IKBKB-DT: variants seen among roughly 807,000 people sequenced by gnomAD.
IKBKB-DT encodes IKBKB divergent transcript.
In IKBKB-DT at chr8:42,243,307, A is replaced by G. The variant is rs531823948; in HGVS notation, n.1530-9448T>C. ...CTCTGGAGCATCTAAGCACAGAGTT[A>G]GATGAATTTGTAAGAAATATCTGAT... On this transcript the variant is annotated intron_variant and non_coding_transcript_variant, in intron 3 of 3. Transcript: ENST00000518213. Among the ~76,000 whole-genome samples the G allele has an allele frequency of 2.0e-5, 3 of 152,384 alleles. No homozygotes were observed. In the South Asian group the frequency reaches 6.2e-4, roughly 32 times the overall value.
chr8:42,260,138 A>G lies in IKBKB-DT; in HGVS notation n.1529+3191T>C, dbSNP rs79612562. On this transcript the variant is annotated intron_variant and non_coding_transcript_variant, in intron 3 of 3. Transcript: ENST00000518213. ...TCTCAAGTTCCCCAAAGAAGCCAGT[A>G]AAGTCCCATATTATCCTCAGAAAAA... Among the ~76,000 whole-genome samples the G allele has an allele frequency of 9.8e-3, 1,499 of 152,252 alleles. 29 individuals carry two copies. Among genetic ancestry groups the G allele is most frequent in the African/African-American group, 0.034 (1,426 of 41,540 alleles).
At chr8:42,268,572 A>C (rs1222701659) in intron 1 of IKBKB-DT, among the ~76,000 whole-genome samples, 2 of 147,612 alleles carry the variant, frequency 1.4e-5, no homozygotes, top group Non-Finnish European at 3.0e-5. Flanking sequence ...CACCCGGCCA[A>C]ATTTTTTTTT....
At chr8:42,261,444 A>G (rs1807287918) in intron 3 of IKBKB-DT, among the ~76,000 whole-genome samples, 1 of 152,118 alleles carries the variant, frequency 6.6e-6, no homozygotes, top group African/African-American at 2.4e-5. Flanking sequence ...GAGTGAAATA[A>G]TTACCTCTAG....
intron 3 of IKBKB-DT, among the ~76,000 whole-genome samples, chr8:42,253,751 A>C (rs1807158782): frequency 6.6e-6 from 1 of 152,236 alleles, no homozygotes; most frequent in Admixed American, 6.5e-5. Context: ...ACTCGCCAGC[A>C]GTTTTGCCAT....
At chr8:42,235,789 G>A (rs1354021686) in intron 3 of IKBKB-DT, among the ~76,000 whole-genome samples, 3 of 152,130 alleles carry the variant, frequency 2.0e-5, no homozygotes, top group Non-Finnish European at 4.4e-5. Context: ...GCAATGCCAT[G>A]GTCTGAGTGA....
intron 3 of IKBKB-DT, among the ~76,000 whole-genome samples, chr8:42,259,977 G>A (rs867484898): frequency 1.3e-3 from 162 of 129,064 alleles, no homozygotes; most frequent in African/African-American, 5.3e-3. Flanking sequence ...GTAAGACTCC[G>A]TCTCAAAAAA....
chr8:42,257,289 G>A (rs1433003292), intron 3 of IKBKB-DT, among the ~76,000 whole-genome samples: 1 of 148,660 alleles, frequency 6.7e-6, no homozygotes, highest in East Asian at 2.1e-4. Flanking sequence ...GGATCACGAG[G>A]TCAACCAATT....
chr8:42,250,598 A>T (rs552231891), intron 3 of IKBKB-DT, among the ~76,000 whole-genome samples: 7 of 152,210 alleles, frequency 4.6e-5, no homozygotes, highest in Admixed American at 6.5e-5. Context: ...AAGCCCAGGA[A>T]TAATTAAGGG....
At chr8:42,265,603 C>T (rs1289653015) in intron 2 of IKBKB-DT, 9 of 152,200 alleles carry the variant, frequency 5.9e-5, no homozygotes, top group African/African-American at 1.7e-4. Context: ...CAAGGTAAGC[C>T]GAAAAGCATA....
At chr8:42,258,284 T>C (rs1450939239) in intron 3 of IKBKB-DT, among the ~76,000 whole-genome samples, 1 of 151,956 alleles carries the variant, frequency 6.6e-6, no homozygotes, top group Non-Finnish European at 1.5e-5. Context: ...TCTCTCTCTC[T>C]AACTTTCTAA....
intron 3 of IKBKB-DT, among the ~76,000 whole-genome samples, chr8:42,239,089 C>T (rs1806964651): frequency 1.3e-5 from 2 of 152,160 alleles, no homozygotes; most frequent in Non-Finnish European, 2.9e-5. Context: ...GAGGTAGCTC[C>T]TCCTCCCCTG....
chr8:42,245,170 G>A (rs772262869), intron 3 of IKBKB-DT, among the ~76,000 whole-genome samples: 16 of 152,226 alleles, frequency 1.1e-4, no homozygotes, highest in South Asian at 6.2e-4. Context: ...CAGGGGAATC[G>A]CTTGAACCCA....
rs756107029 is a variant in IKBKB-DT at position 42,248,793 on chromosome 8, A to G, written n.1529+14536T>C. Among the ~76,000 whole-genome samples the G allele has an allele frequency of 6.0e-4, 90 of 151,018 alleles. 4 individuals are homozygous for G. Among genetic ancestry groups the G allele is most frequent in the Admixed American group, 2.6e-4 (4 of 15,120 alleles). On this transcript the variant is annotated intron_variant and non_coding_transcript_variant, in intron 3 of 3. Coordinates refer to ENST00000518213, the Ensembl canonical transcript of IKBKB-DT. ...ATTTGGGAGGCTGAAGCAGAAATCA[A>G]TTGAACCCAGGAGGCGGAGGTTACA...
At chr8:42,236,152 C>T (rs978591377) in intron 3 of IKBKB-DT, among the ~76,000 whole-genome samples, 4 of 151,868 alleles carry the variant, frequency 2.6e-5, no homozygotes, top group Admixed American at 2.6e-4. Flanking sequence ...AAAGATTAAG[C>T]ATCACTTCTC....
chr8:42,259,454 T>C (rs143057694), intron 3 of IKBKB-DT, among the ~76,000 whole-genome samples: 18 of 152,378 alleles, frequency 1.2e-4, no homozygotes, highest in African/African-American at 4.1e-4. Flanking sequence ...TGTTTTATTA[T>C]ATTTGGAAAA....
intron 3 of IKBKB-DT, among the ~76,000 whole-genome samples, chr8:42,240,558 G>A (rs1271078389): frequency 1.4e-5 from 2 of 138,134 alleles, no homozygotes; most frequent in East Asian, 2.2e-4. Context: ...CCGGGAGGTA[G>A]AGTTTGCAGT....
intron 3 of IKBKB-DT, among the ~76,000 whole-genome samples, chr8:42,255,069 C>T (rs113970402): frequency 5.8e-4 from 87 of 151,140 alleles, no homozygotes; most frequent in African/African-American, 2.1e-3. Context: ...AAGTGAAGAG[C>T]GCCGCTGCCC....
intron 3 of IKBKB-DT, among the ~76,000 whole-genome samples, chr8:42,245,169 C>T (rs1424246930): frequency 1.3e-5 from 2 of 152,084 alleles, no homozygotes; most frequent in Non-Finnish European, 2.9e-5. Context: ...GCAGGGGAAT[C>T]GCTTGAACCC....
intron 1 of IKBKB-DT, among the ~76,000 whole-genome samples, chr8:42,266,892 CATAA>C (rs1340648139): frequency 6.6e-6 from 1 of 151,998 alleles, no homozygotes; most frequent in Admixed American, 6.6e-5. Flanking sequence ...CCTTGTTTAG[CATAA>C]ATAAATAAAC....
Sources: gnomAD v4.1 joint callset for allele counts (sites outside exome capture counted in the v4.1 genomes callset) on GRCh38, gnomAD v4.1.1 for gene constraint, MANE v1.5 for transcripts, NCBI Gene and HGNC (gene_info 2026-07-23, HGNC 2026-07-21) for gene names.